Variants in PEBP4 observed in about 807,000 individuals in gnomAD.
The protein encoded by PEBP4 is phosphatidylethanolamine binding protein 4, also known as phosphatidylethanolamine-binding protein 4.
PEBP4 carries 22 observed loss-of-function variants against 23.9 expected under a neutral mutation model. That is an observed-to-expected ratio of 0.92 (90% confidence interval 0.66 to 1.31). The LOEUF is 1.31. Ranked by LOEUF, PEBP4 falls within the 40% of genes most tolerant of loss-of-function variation. The probability of loss-of-function intolerance (pLI) is 0.00; values close to 1 mark genes in which losing one functional copy is unlikely to be tolerated. For synonymous variants in PEBP4, 112 were observed against 99.3 expected (o/e 1.13, Z -0.76); for missense variants, 324 against 281.7 (o/e 1.15, Z -1.07).
chr8:22,935,187 T>C (rs1809517884), intron 1 of PEBP4, among the ~76,000 whole-genome samples: 1 of 152,206 alleles, frequency 6.6e-6, no homozygotes, highest in Non-Finnish European at 1.5e-5. Context: ...ACTCCACTTT[T>C]AATAGTGAAT....
intron 4 of PEBP4, among the ~76,000 whole-genome samples, chr8:22,813,818 C>T (rs1010641327): frequency 7.9e-5 from 12 of 152,110 alleles, no homozygotes; most frequent in Admixed American, 7.2e-4. Context: ...TGGCCAGGTT[C>T]GGAGACTGGA....
At chr8:22,825,546 C>T (rs999002472) in intron 3 of PEBP4, among the ~76,000 whole-genome samples, 5 of 152,170 alleles carry the variant, frequency 3.3e-5, no homozygotes, top group South Asian at 2.1e-4. Context: ...GCTTATTACA[C>T]CATGGACTGG....
intron 2 of PEBP4, among the ~76,000 whole-genome samples, chr8:22,923,733 G>A (rs536698310): frequency 8.5e-5 from 13 of 152,256 alleles, no homozygotes; most frequent in South Asian, 2.1e-4. Flanking sequence ...ACTTGGAAGA[G>A]GTGATTAAGT....
chr8:22,831,809 C>A (rs761615171), intron 3 of PEBP4, among the ~76,000 whole-genome samples: 9 of 152,292 alleles, frequency 5.9e-5, no homozygotes, highest in African/African-American at 1.2e-4. Flanking sequence ...AGCAGCACAT[C>A]CACAGGCAGG....
chr8:22,840,399 T>G (rs1353526927), intron 3 of PEBP4, among the ~76,000 whole-genome samples: 2 of 151,488 alleles, frequency 1.3e-5, no homozygotes, highest in Non-Finnish European at 2.9e-5. Context: ...AAATTTTTTC[T>G]TCTTTTAATT....
intron 3 of PEBP4, among the ~76,000 whole-genome samples, chr8:22,842,970 G>A (rs558686863): frequency 5.0e-4 from 76 of 152,312 alleles, no homozygotes; most frequent in African/African-American, 1.8e-3. Context: ...TGTGATTACA[G>A]GCGCCCGCCA....
chr8:22,758,301 G>A (rs1805433784), intron 4 of PEBP4: 1 of 152,216 alleles, frequency 6.6e-6, no homozygotes, highest in Non-Finnish European at 1.5e-5. Context: ...GGTACTGAAT[G>A]TTCCTGGGTG....
intron 4 of PEBP4, among the ~76,000 whole-genome samples, chr8:22,754,334 T>C (rs1174421096): frequency 6.6e-6 from 1 of 152,246 alleles, no homozygotes; most frequent in Non-Finnish European, 1.5e-5. Context: ...AGAGACCTTG[T>C]CTCTGTGACT....
rs1175316852 is a variant in PEBP4, at chr8:22,877,413, T to A, written c.258+42771A>T. Among the ~76,000 whole-genome samples the A allele has an allele frequency of 3.3e-5, 5 of 152,306 alleles. No homozygotes were observed. The East Asian group carries it at 9.6e-4, about 29-fold the overall frequency. On this transcript the variant is annotated intron_variant, in intron 3 of 6. Coordinates refer to ENST00000256404, the MANE Select transcript of PEBP4 (RefSeq NM_144962.3). The stretch of plus-strand genomic sequence containing the variant: ...TTGGGACTTTTGTGCCTTCAAAATG[T>A]CAGGTTATTTGCCCTGACTCCAGTA...
At chr8:22,832,719 A>T (rs919203994) in intron 3 of PEBP4, among the ~76,000 whole-genome samples, 2 of 152,174 alleles carry the variant, frequency 1.3e-5, no homozygotes, top group African/African-American at 4.8e-5. Flanking sequence ...TCCTAGAAGC[A>T]CTGGCAAGGT....
intron 4 of PEBP4, among the ~76,000 whole-genome samples, chr8:22,812,346 G>T (rs753681633): frequency 1.3e-5 from 2 of 152,154 alleles, no homozygotes; most frequent in Non-Finnish European, 2.9e-5. Flanking sequence ...GGCAGAGCCT[G>T]GAACCTCCTC....
At chr8:22,763,359 C>T (rs1340935206) in intron 4 of PEBP4, among the ~76,000 whole-genome samples, 1 of 152,182 alleles carries the variant, frequency 6.6e-6, no homozygotes, top group Non-Finnish European at 1.5e-5. Context: ...CACAATATCC[C>T]CAACCAAAGA....
intron 4 of PEBP4, among the ~76,000 whole-genome samples, chr8:22,797,275 CAGAA>C (rs1372987260): frequency 7.3e-6 from 1 of 136,222 alleles, no homozygotes; most frequent in Non-Finnish European, 1.6e-5. Flanking sequence ...AAAAAAAAGA[CAGAA>C]AGAAAGAAAA....
intron 6 of PEBP4, among the ~76,000 whole-genome samples, chr8:22,714,165 G>A (rs1045140516): frequency 7.2e-5 from 11 of 152,226 alleles, no homozygotes; most frequent in African/African-American, 2.2e-4. Flanking sequence ...AAACCCAGAC[G>A]GTGCCCAGGT....
At chr8:22,910,958 G>A (rs1277455530) in intron 3 of PEBP4, among the ~76,000 whole-genome samples, 1 of 152,058 alleles carries the variant, frequency 6.6e-6, no homozygotes, top group Non-Finnish European at 1.5e-5. Context: ...TGATACTGAT[G>A]TATCAGCGTA....
At chr8:22,871,334 T>C (rs1230797531) in intron 3 of PEBP4, among the ~76,000 whole-genome samples, 1 of 152,172 alleles carries the variant, frequency 6.6e-6, no homozygotes, top group Non-Finnish European at 1.5e-5. Context: ...TAGTTTCATT[T>C]CTGCCCATGG....
upstream of PEBP4, among the ~76,000 whole-genome samples, chr8:22,928,270 G>A (rs1585161832): frequency 6.6e-6 from 1 of 152,246 alleles, no homozygotes; most frequent in East Asian, 1.9e-4. Flanking sequence ...CCAAGGTGGA[G>A]GTGGTTGGAC....
At chr8:22,882,583 G>A (rs1277280502) in intron 3 of PEBP4, among the ~76,000 whole-genome samples, 3 of 152,208 alleles carry the variant, frequency 2.0e-5, no homozygotes, top group Non-Finnish European at 4.4e-5. Flanking sequence ...GAAAGCAGCC[G>A]CAAATGTGAA....
At chr8:22,882,877 A>T (rs1354219057) in intron 3 of PEBP4, among the ~76,000 whole-genome samples, 1 of 152,130 alleles carries the variant, frequency 6.6e-6, no homozygotes, top group African/African-American at 2.4e-5. Context: ...CCCAGAGCCT[A>T]TTGAAATGAT....
Sources: gnomAD v4.1 joint callset for allele counts (sites outside exome capture counted in the v4.1 genomes callset) on GRCh38, gnomAD v4.1.1 for gene constraint, MANE v1.5 for transcripts, NCBI Gene and HGNC (gene_info 2026-07-23, HGNC 2026-07-21) for gene names.